The following PPARGC1A variants were observed in gnomAD, a reference collection of about 807,000 sequenced individuals.
PPARGC1A encodes peroxisome proliferator-activated receptor gamma coactivator 1-alpha.
In PPARGC1A, 25 loss-of-function variants were observed where a neutral mutation model predicts 88.7. The ratio of observed to expected loss-of-function variants is 0.28; its 90% CI spans 0.21 to 0.39. The LOEUF is 0.39. PPARGC1A is among the 10% of genes least tolerant of loss of function. The pLI, the probability that PPARGC1A is intolerant of heterozygous loss-of-function variation, is 1.00. For synonymous variants in PPARGC1A, 363 were observed against 355.6 expected, an observed-to-expected ratio of 1.02 and a Z score of -0.24; for missense variants, 880 against 968.7, an observed-to-expected ratio of 0.91 and a Z score of 1.22.
chr4:24,112,946 T>C, the PPARGC1A span, among the ~76,000 whole-genome samples: 2 of 152,148 alleles, frequency 1.3e-5, no homozygotes, highest in Non-Finnish European at 2.9e-5. Flanking sequence ...CCTAAGAGAA[T>C]AACGGAAATT....
intron 1 of PPARGC1A, among the ~76,000 whole-genome samples, chr4:23,899,098 T>C (rs1199249343): frequency 2.0e-5 from 3 of 151,838 alleles, no homozygotes; most frequent in African/African-American, 7.3e-5. Context: ...CCCCCGGCCT[T>C]GGCCTTCCAA....
chr4:24,370,997 T>C, the PPARGC1A span, among the ~76,000 whole-genome samples: 1 of 152,058 alleles, frequency 6.6e-6, no homozygotes, highest in Non-Finnish European at 1.5e-5. Context: ...GTTCTCATTG[T>C]TCAACTCCCA....
the PPARGC1A span, among the ~76,000 whole-genome samples, chr4:24,172,203 G>C: frequency 7.2e-5 from 11 of 152,302 alleles, no homozygotes; most frequent in Non-Finnish European, 1.6e-4. Flanking sequence ...AGAAGCTGAA[G>C]ACTGATCCCT....
chr4:24,157,763 TCCCA>T, the PPARGC1A span, among the ~76,000 whole-genome samples: 92 of 152,214 alleles, frequency 6.0e-4, 3 homozygotes, highest in South Asian at 0.019. Flanking sequence ...CCATTTCTAT[TCCCA>T]CCATTGTTGA....
chr4:24,077,624 G>GGTGTGT, the PPARGC1A span, among the ~76,000 whole-genome samples: 1,138 of 130,932 alleles, frequency 8.7e-3, 13 homozygotes, highest in African/African-American at 0.016. Context: ...TGTGTCTAGG[G>GGTGTGT]GTGTGTGTGT....
the PPARGC1A span, among the ~76,000 whole-genome samples, chr4:23,994,147 C>T: frequency 6.6e-6 from 1 of 152,100 alleles, no homozygotes; most frequent in Non-Finnish European, 1.5e-5. Flanking sequence ...AGCAAAGGCT[C>T]TTTGTACTAA....
upstream of PPARGC1A, chr4:23,890,240 AAAG>A (rs1193686304): frequency 6.8e-6 from 3 of 441,574 alleles, no homozygotes; most frequent in Admixed American, 4.5e-5. Context: ...AAAGAAAGAA[AAAG>A]AAAAGAAAGA....
the PPARGC1A span, among the ~76,000 whole-genome samples, chr4:24,365,580 G>T: frequency 6.6e-6 from 1 of 151,984 alleles, no homozygotes; most frequent in Non-Finnish European, 1.5e-5. Flanking sequence ...TACCTTCCAT[G>T]CACAAATCTA....
chr4:23,845,082 A>G (rs1011441265), intron 2 of PPARGC1A, among the ~76,000 whole-genome samples: 1 of 151,718 alleles, frequency 6.6e-6, no homozygotes, highest in Admixed American at 6.6e-5. Flanking sequence ...GATAGGCAAA[A>G]TATTTAACAA....
chr4:23,902,011 T>A (rs951891956), upstream of PPARGC1A, among the ~76,000 whole-genome samples: 7 of 152,098 alleles, frequency 4.6e-5, no homozygotes, highest in African/African-American at 1.7e-4. Flanking sequence ...TTAAAATGTG[T>A]CCAAACAAAA....
chr4:24,355,776 G>A, the PPARGC1A span, among the ~76,000 whole-genome samples: 4 of 152,108 alleles, frequency 2.6e-5, no homozygotes, highest in Non-Finnish European at 5.9e-5. Flanking sequence ...GTGCGAGGGG[G>A]AGGAAGAACT....
chr4:24,187,486 G>T, the PPARGC1A span, among the ~76,000 whole-genome samples: 352 of 152,236 alleles, frequency 2.3e-3, 2 homozygotes, highest in African/African-American at 8.0e-3. Flanking sequence ...GGAGCCCCGG[G>T]TTCTGGTCCT....
chr4:24,408,356 G>GAAAA, the PPARGC1A span, among the ~76,000 whole-genome samples: 1 of 132,208 alleles, frequency 7.6e-6, no homozygotes, highest in Admixed American at 7.4e-5. Flanking sequence ...ATACTGCTTT[G>GAAAA]AAAAAAAAAA....
At chr4:24,047,292 A>T in the PPARGC1A span, among the ~76,000 whole-genome samples, 1 of 152,088 alleles carries the variant, frequency 6.6e-6, no homozygotes, top group South Asian at 2.1e-4. Flanking sequence ...TTATTTGTTT[A>T]TTCTCATTGC....
chr4:24,138,512 G>A, the PPARGC1A span, among the ~76,000 whole-genome samples: 2 of 152,324 alleles, frequency 1.3e-5, no homozygotes, highest in Non-Finnish European at 2.9e-5. Context: ...ATCCTTGAGG[G>A]CTGTTTGTTT....
At chr4:24,402,019 C>T in the PPARGC1A span, among the ~76,000 whole-genome samples, 1 of 152,212 alleles carries the variant, frequency 6.6e-6, no homozygotes, top group African/African-American at 2.4e-5. Context: ...AGCACCCACT[C>T]CGCGGCTGCT....
At chr4:24,253,590 C>T in the PPARGC1A span, among the ~76,000 whole-genome samples, 2 of 152,154 alleles carry the variant, frequency 1.3e-5, no homozygotes, top group Admixed American at 6.6e-5. Flanking sequence ...CAAGCATAGT[C>T]ATACATGTAA....
At chr4:23,909,074 A>C (rs1415330369), upstream of PPARGC1A, among the ~76,000 whole-genome samples, 2 of 152,186 alleles carry the variant, frequency 1.3e-5, no homozygotes, top group African/African-American at 2.4e-5. Flanking sequence ...AGTGCATTGA[A>C]GGAGAAGTGG....
At chr4:24,006,862 C>G in the PPARGC1A span, among the ~76,000 whole-genome samples, 1 of 152,162 alleles carries the variant, frequency 6.6e-6, no homozygotes, top group African/African-American at 2.4e-5. Flanking sequence ...TGCAACAGCA[C>G]CAACCCACAT....
Sources: gnomAD v4.1 joint callset for allele counts (sites outside exome capture counted in the v4.1 genomes callset) on GRCh38, gnomAD v4.1.1 for gene constraint, MANE v1.5 for transcripts, NCBI Gene and HGNC (gene_info 2026-07-23, HGNC 2026-07-21) for gene names.